The following GYPB variants were observed in gnomAD, a reference collection of about 807,000 sequenced individuals.
GYPB encodes the protein glycophorin-B.
GYPB carries 13 observed loss-of-function variants against 15.3 expected under a neutral mutation model. That is an observed-to-expected ratio of 0.85 (90% CI 0.55 to 1.35). The LOEUF is 1.35. Ranked by LOEUF, GYPB falls within the 40% of genes most tolerant of loss-of-function variation. The probability of loss-of-function intolerance (pLI) is 0.00; values close to 1 mark genes in which losing one functional copy is unlikely to be tolerated. For missense variants in GYPB, 131 were observed against 108.3 expected, an observed-to-expected ratio of 1.21 and a Z score of -0.93; for synonymous variants, 38 against 36.9, an observed-to-expected ratio of 1.03 and a Z score of -0.11.
At chr4:144,001,902 G>A (rs1274397341) in intron 1 of GYPB, among the ~76,000 whole-genome samples, 3 of 142,546 alleles carry the variant, frequency 2.1e-5, no homozygotes, top group African/African-American at 5.3e-5. Flanking sequence ...CCAGGAGGCC[G>A]AGCTTGCAGT....
intron 1 of GYPB, among the ~76,000 whole-genome samples, chr4:144,005,029 C>G (rs1235919241): frequency 6.6e-6 from 1 of 151,942 alleles, no homozygotes; most frequent in Non-Finnish European, 1.5e-5. Flanking sequence ...TATCTCTTTG[C>G]CTTTGGAGCT....
At chr4:144,004,333 A>G (rs1727774963) in intron 1 of GYPB, among the ~76,000 whole-genome samples, 1 of 151,960 alleles carries the variant, frequency 6.6e-6, no homozygotes, top group Admixed American at 6.5e-5. Flanking sequence ...CCATTTCTGG[A>G]AAAAAGATAG....
At chr4:144,003,330 G>C (rs575036175) in intron 1 of GYPB, among the ~76,000 whole-genome samples, 2 of 151,326 alleles carry the variant, frequency 1.3e-5, no homozygotes, top group African/African-American at 2.5e-5. Flanking sequence ...TTGCAGTAGA[G>C]GGTCCCATCT....
At position 144,006,855 on chromosome 4, in the gene GYPB, C is replaced by A. The variant is rs1181143920; in HGVS notation, c.38-5572G>T. ...CAGCTAATTTGTGGTAAAACTGGGA[C>A]AAAAACTCATATCCATTGACTTCCA... On this transcript the variant is annotated intron_variant, in intron 1 of 4. Coordinates refer to ENST00000502664, the MANE Select transcript of GYPB (RefSeq NM_002100.6). Among the ~76,000 whole-genome samples, 21 of 151,676 alleles carry A rather than the reference C, an allele frequency of 1.4e-4. 1 individual carries two copies. Among genetic ancestry groups the A allele is most frequent in the African/African-American group, 5.1e-4 (21 of 40,882 alleles).
chr4:143,996,066 A>G, downstream of GYPB: 3 of 1,221,108 alleles, frequency 2.5e-6, no homozygotes, highest in East Asian at 2.7e-5. Flanking sequence ...CATTTTAAAC[A>G]TAGCTTGAAA....
Position 144,001,290 on chromosome 4 carries a change from A to G in GYPB, c.38-7T>C. On this transcript the variant is annotated splice_polypyrimidine_tract_variant and splice_region_variant and intron_variant, in intron 1 of 4. Transcript: ENST00000502664. ...GCTGATATGCTCACAATTTCTGTAT[A>G]AAATAGAAGTTGAGAAAGGGATTAA... 2 of 1,612,870 alleles carry G rather than the reference A, an allele frequency of 1.2e-6. No homozygotes were observed. Among genetic ancestry groups the G allele is most frequent in the Non-Finnish European group, 1.7e-6 (2 of 1,179,796 alleles).
chr4:144,017,342 AAAAAAAAGAAAAAG>A lies in GYPB; in HGVS notation c.37+1895_37+1908del, dbSNP rs1382300397. Among the ~76,000 whole-genome samples the A allele has an allele frequency of 3.9e-3, 584 of 148,082 alleles. 28 individuals are homozygous for A. The highest frequency in any genetic ancestry group is 0.014 in the African/African-American group (548 of 37,886). On this transcript the variant is annotated intron_variant, in intron 1 of 4. Transcript: ENST00000502664. Reference sequence around the variant, plus strand: ...CAATCGTCTTTTTTTCATAGCAAAAAAAAAAAAGAAAAAGAAAAAAAAAGAAAAAGACTTCACCA... The same window carrying A: ...CAATCGTCTTTTTTTCATAGCAAAAAAAAAAAAAAGAAAAAGACTTCACCA...
At chr4:144,009,906 C>T (rs1265115066) in intron 1 of GYPB, among the ~76,000 whole-genome samples, 4 of 150,288 alleles carry the variant, frequency 2.7e-5, no homozygotes, top group Non-Finnish European at 5.9e-5. Flanking sequence ...GACCACTGTA[C>T]CCGGCCTATT....
chr4:144,002,542 C>A lies in GYPB; in HGVS notation c.38-1259G>T, dbSNP rs188351178. Reference sequence around the variant, plus strand: ...GAGAGTTATAAATCATTATGATAAACATCAGTACCCTGAACTCTGTAGATG... The same window carrying A: ...GAGAGTTATAAATCATTATGATAAAAATCAGTACCCTGAACTCTGTAGATG... On this transcript the variant is annotated intron_variant, in intron 1 of 4. Transcript: ENST00000502664. 1.3e-3 allele frequency: 1,565 copies of A among 1,230,658 alleles called. 63 individuals carry two copies. The African/African-American group carries it at 0.023, about 18-fold the overall frequency. The allele number at this position is 1,230,658 out of a possible 1,614,324, so 76.2% of individuals were successfully genotyped here.
intron 4 of GYPB, 150 bp downstream of exon 4, chr4:143,997,390 A>T: frequency 1.8e-6 from 1 of 548,800 alleles, no homozygotes; most frequent in South Asian, 2.2e-5. Flanking sequence ...TCTGCTAGAG[A>T]AACACAGTGA....
chr4:144,011,161 G>A (rs1203333116), intron 1 of GYPB, among the ~76,000 whole-genome samples: 4 of 16,180 alleles, frequency 2.5e-4, no homozygotes. Context: ...CAGGTGGATT[G>A]CCTGAGCTCA....
chr4:144,002,458 G>A (rs1727676115), intron 1 of GYPB: 1 of 460,804 alleles, frequency 2.2e-6, no homozygotes, highest in Admixed American at 3.2e-5. Flanking sequence ...TTGTATGAAT[G>A]TTCTGTGGTT....
At chr4:144,011,534 G>T (rs1341370006) in intron 1 of GYPB, among the ~76,000 whole-genome samples, 2 of 151,044 alleles carry the variant, frequency 1.3e-5, no homozygotes, top group African/African-American at 5.0e-5. Flanking sequence ...AGTAATTATG[G>T]ACCATTATAG....
intron 1 of GYPB, among the ~76,000 whole-genome samples, 169 bp downstream of exon 1, chr4:144,019,082 C>G (rs1728653256): frequency 6.6e-6 from 1 of 151,228 alleles, no homozygotes; most frequent in Non-Finnish European, 1.5e-5. Flanking sequence ...TGTGTCATTT[C>G]CCCCACATTG....
At chr4:144,006,674 T>C (rs1371337379) in intron 1 of GYPB, among the ~76,000 whole-genome samples, 5 of 151,992 alleles carry the variant, frequency 3.3e-5, no homozygotes, top group African/African-American at 1.2e-4. Context: ...AGAAGCCTTA[T>C]CTTGCATAAG....
chr4:144,013,882 C>T (rs1481298109), intron 1 of GYPB, among the ~76,000 whole-genome samples: 1 of 150,322 alleles, frequency 6.7e-6, no homozygotes, highest in Non-Finnish European at 1.5e-5. Context: ...GTAACCTGCA[C>T]ATTGTGCACA....
At position 143,999,443 on chromosome 4, in the gene GYPB, G is replaced by T. The variant is rs7683365; in HGVS notation, c.143C>A (p.Thr48Lys). ...SYISSQTNGE[T>K]GQLVHRFTVP... ...AGTGAAACGATGGACAAGTTGTCCC[G>T]TTTCTCCTATAAAGCAAAATTTCAA... The change falls in exon 3 of 5, where the codon ACG becomes AAG. Residue 48 changes from threonine to lysine, a missense_variant. Thr to Lys is a moderately conservative substitution (Grantham distance 78). Transcript: ENST00000502664. 3 of 1,507,928 alleles carry T rather than the reference G, an allele frequency of 2.0e-6. No homozygotes were observed. The highest frequency in any genetic ancestry group is 3.4e-5 in the Admixed American group (2 of 58,324). The allele number at this position is 1,507,928 out of a possible 1,614,324, so 93.4% of individuals were successfully genotyped here.
At chr4:144,016,175 T>C (rs1333485862) in intron 1 of GYPB, among the ~76,000 whole-genome samples, 1 of 139,046 alleles carries the variant, frequency 7.2e-6, no homozygotes, top group South Asian at 2.2e-4. Flanking sequence ...AAAAAAGAGA[T>C]GCCTTGTTTC....
rs559114469 is a variant in GYPB, at chr4:143,999,329, A to G, written c.175+82T>C. 791 of 738,110 alleles carry G rather than the reference A, an allele frequency of 1.1e-3. 15 individuals carry two copies. The South Asian group carries it at 0.011, about 11-fold the overall frequency. The allele number at this position is 738,110 out of a possible 1,614,324, so 45.7% of individuals were successfully genotyped here. A position where few individuals can be genotyped will look rare whatever the true frequency, so the allele number is the denominator to read the frequency against. ...CATATGCTCTTCTGTTTTAAGATAGACACATTTTCTTAGGCATTTGAAACA... is the reference window on the plus strand; with the variant it reads ...CATATGCTCTTCTGTTTTAAGATAGGCACATTTTCTTAGGCATTTGAAACA... On this transcript the variant is annotated intron_variant, in intron 3 of 4. Transcript: ENST00000502664.
Sources: gnomAD v4.1 joint callset for allele counts (sites outside exome capture counted in the v4.1 genomes callset) on GRCh38, gnomAD v4.1.1 for gene constraint, MANE v1.5 for transcripts, NCBI Gene and HGNC (gene_info 2026-07-23, HGNC 2026-07-21) for gene names.